ATRX: variants seen among roughly 807,000 people sequenced by gnomAD.
ATRX encodes the protein ATRX chromatin remodeler.
Under a neutral mutation model 172.6 loss-of-function variants are expected in ATRX, and 12 were observed. That is an observed-to-expected ratio of 0.07 (90% confidence interval 0.04 to 0.11). ATRX has a LOEUF of 0.11. ATRX is among the 10% of genes least tolerant of loss of function. ATRX has a pLI of 1.00. For synonymous variants in ATRX, 674 were observed against 594.7 expected (o/e 1.13, Z -1.94); for missense variants, 1,368 against 1,767.4 (o/e 0.77, Z 4.05).
At position 77,616,711 on chromosome X, in the gene ATRX, A is replaced by C; in HGVS notation, c.5468T>G (p.Leu1823Ter). ...GTGTTTTGGAGGCAAGAATTTTGTTAATGCTGTATAATCTTTCCTCTGTAA... is the reference window on the plus strand; with the variant it reads ...GTGTTTTGGAGGCAAGAATTTTGTTCATGCTGTATAATCTTTCCTCTGTAA... ...GCVQRKDYTA[L>*]TKFLPPKHEY... The change falls in exon 22 of 35, where the codon TTA becomes TGA. Residue 1823 changes from leucine (L) to a stop codon, truncating the protein, a stop_gained. Coordinates refer to ENST00000373344, the MANE Select transcript of ATRX (RefSeq NM_000489.6). LOFTEE classifies it high-confidence loss of function. 8.5e-7 allele frequency: 1 copy of C among 1,179,295 alleles called. No homozygotes were observed. The highest frequency in any genetic ancestry group is 1.2e-6 in the Non-Finnish European group (1 of 866,455).
chrX:77,783,963 G>C (rs957032633), intron 1 of ATRX, among the ~76,000 whole-genome samples: 8 of 112,341 alleles, frequency 7.1e-5, no homozygotes, highest in Non-Finnish European at 1.5e-4. Flanking sequence ...CACAAAAAAT[G>C]TAACATTATA....
rs2148450086 is a variant in ATRX, at chrX:77,654,111, G to A, written c.4304C>T (p.Ser1435Phe). 8.3e-7 allele frequency: 1 copy of A among 1,206,987 alleles called. No individual in the cohort carries two copies. Among genetic ancestry groups the A allele is most frequent in the Non-Finnish European group, 1.1e-6 (1 of 891,700 alleles). ...TGTCATTATTACCTTGTTTTCACTG[G>A]ATGAATCTTCTTGAACCTTAATACG... ...RRRIKVQEDS[S>F]SENKSNSEEE... Residue 1435 changes from serine (S) to phenylalanine (F), a missense_variant, in exon 14 of 35, where the codon TCC becomes TTC. Physicochemically the swap from Ser to Phe is radical, Grantham distance 155. Coordinates refer to ENST00000373344, the MANE Select transcript of ATRX (RefSeq NM_000489.6).
chrX:77,586,886 C>T (rs1557077416), intron 27 of ATRX, among the ~76,000 whole-genome samples: 1 of 110,305 alleles, frequency 9.1e-6, no homozygotes, highest in Non-Finnish European at 1.9e-5. Flanking sequence ...AAAACCCCAT[C>T]TCTACAAAAA....
chrX:77,710,186 C>T, intron 2 of ATRX, among the ~76,000 whole-genome samples: 1 of 109,422 alleles, frequency 9.1e-6, no homozygotes, highest in Non-Finnish European at 1.9e-5. Flanking sequence ...GTAATCCCAG[C>T]TACTCCGGAG....
chrX:77,779,172 T>C (rs1211188052), intron 1 of ATRX, among the ~76,000 whole-genome samples: 3 of 98,758 alleles, frequency 3.0e-5, no homozygotes, highest in African/African-American at 3.7e-5. Flanking sequence ...CTCGATCTCC[T>C]GACCTCGTGA....
Position 77,683,473 on chromosome X carries a change from G to A in ATRX, c.1783C>T (p.Leu595Phe), listed in dbSNP as rs2148614917. 1.2e-5 allele frequency: 14 copies of A among 1,210,035 alleles called. No individual in the cohort carries two copies. The highest frequency in any genetic ancestry group is 1.6e-5 in the Non-Finnish European group (14 of 893,928). ...GCACCTTTAATTGGGGAATTAGAAA[G>A]GGAAACAGGAGTGAGTTTAACATAT... Reference protein sequence around the residue: ...ELYVKLTPVSLSNSPIKGADC... With the variant: ...ELYVKLTPVSFSNSPIKGADC... The change falls in exon 9 of 35, where the codon CTT (leucine) becomes TTT (phenylalanine). Residue 595 changes from leucine (L) to phenylalanine (F), a missense_variant. This residue lies in a region of ATRX where 843 missense variants were observed against 643.1 expected (regional missense o/e 1.31). Coordinates refer to ENST00000373344, the MANE Select transcript of ATRX (RefSeq NM_000489.6).
At chrX:77,573,117 T>C (rs898458118) in intron 28 of ATRX, among the ~76,000 whole-genome samples, 1 of 112,287 alleles carries the variant, frequency 8.9e-6, no homozygotes, top group Non-Finnish European at 1.9e-5. Flanking sequence ...TGTATAGTCA[T>C]GTGCCACATA....
intron 5 of ATRX, among the ~76,000 whole-genome samples, chrX:77,694,497 T>C: frequency 9.0e-6 from 1 of 111,426 alleles, no homozygotes; most frequent in South Asian, 3.8e-4. Context: ...TTCACTACTC[T>C]GTAAAGTCCT....
At chrX:77,536,083 A>G (rs1424556554) in intron 30 of ATRX, among the ~76,000 whole-genome samples, 2 of 109,660 alleles carry the variant, frequency 1.8e-5, no homozygotes, top group Non-Finnish European at 3.8e-5. Context: ...TATGTTACCC[A>G]GGCTGGAATG....
intron 21 of ATRX, 43 bp downstream of exon 21, chrX:77,618,763 T>C (rs879958515): frequency 1.8e-6 from 2 of 1,129,931 alleles, no homozygotes; most frequent in Admixed American, 4.4e-5. Flanking sequence ...GATTGTTATA[T>C]AAAAAAGTAA....
Position 77,593,727 on chromosome X carries a change from G to C in ATRX, c.6079C>G (p.Leu2027Val). ...SGKMVLLFEI[L>V]RMAEEIGDKV... is the part of the protein sequence containing the mutation. ...TCCCCAATTTCCTCTGCCATTCGAA[G>C]AATTTCAAAGAGAAGTACCATTTTC... The change falls in exon 26 of 35, where the codon CTT becomes GTT. Residue 2027 changes from leucine (L) to valine (V), a missense_variant. Around this residue, in one of 17 missense-constraint regions of ATRX, gnomAD observed 45 missense variants for 120.2 expected, o/e 0.37. Coordinates refer to ENST00000373344, the MANE Select transcript of ATRX (RefSeq NM_000489.6). 8.3e-7 allele frequency: 1 copy of C among 1,210,768 alleles called. No individual in the cohort carries two copies. The highest frequency in any genetic ancestry group is 1.1e-6 in the Non-Finnish European group (1 of 894,724).
At position 77,532,496 on chromosome X, in the gene ATRX, A is replaced by C. The variant is rs1602405753; in HGVS notation, c.6700-9095T>G. On this transcript the variant is annotated intron_variant, in intron 30 of 34. Coordinates refer to ENST00000373344, the MANE Select transcript of ATRX (RefSeq NM_000489.6). ...AACCCAGAAATAAGACTGCACACCTACAGCCATCTGCTCTTTGACAAACCT... is the reference window on the plus strand; with the variant it reads ...AACCCAGAAATAAGACTGCACACCTCCAGCCATCTGCTCTTTGACAAACCT... Among the ~76,000 whole-genome samples the C allele has an allele frequency of 5.4e-5, 6 of 111,644 alleles. No individual in the cohort carries two copies. The South Asian group carries it at 2.3e-3, about 42-fold the overall frequency.
chrX:77,670,207 G>A (rs782576427), intron 10 of ATRX, among the ~76,000 whole-genome samples: 7 of 111,713 alleles, frequency 6.3e-5, no homozygotes, highest in African/African-American at 2.3e-4. Context: ...GATAAAATTT[G>A]CTTAAAAATT....
Position 77,683,790 on chromosome X carries a change from G to A in ATRX, c.1466C>T (p.Thr489Ile), listed in dbSNP as rs1557141595. The change falls in exon 9 of 35, where the codon ACC becomes ATC. Residue 489 changes from threonine (T) to isoleucine (I), a missense_variant. By Grantham distance (89) the Thr-to-Ile change is moderately conservative (BLOSUM62 -1). Around this residue, in one of 17 missense-constraint regions of ATRX, gnomAD observed 843 missense variants for 643.1 expected, o/e 1.31. Transcript: ENST00000373344. ...ATCAGATTTCTTATGTTCACCACCGGTACTTTTATTTGTTCTTTGTTCCTC... is the reference window on the plus strand; with the variant it reads ...ATCAGATTTCTTATGTTCACCACCGATACTTTTATTTGTTCTTTGTTCCTC... ...PTEEQRTNKSTGGEHKKSDRK... is the reference protein window; with the variant it reads ...PTEEQRTNKSIGGEHKKSDRK... 3 of 1,209,454 alleles carry A rather than the reference G, an allele frequency of 2.5e-6. No homozygotes were observed. The highest frequency in any genetic ancestry group is 1.8e-5 in the South Asian group (1 of 56,949).
At chrX:77,614,597 C>T (rs1046277257) in intron 22 of ATRX, among the ~76,000 whole-genome samples, 2 of 111,438 alleles carry the variant, frequency 1.8e-5, no homozygotes, top group East Asian at 2.8e-4. Context: ...AAAATTGATA[C>T]ATATTATTTT....
At chrX:77,751,000 G>A (rs940708826) in intron 1 of ATRX, among the ~76,000 whole-genome samples, 1 of 111,963 alleles carries the variant, frequency 8.9e-6, no homozygotes, top group African/African-American at 3.2e-5. Flanking sequence ...ACAGGTACAT[G>A]TGTCTTTATA....
chrX:77,537,950 T>C (rs1263796465), intron 30 of ATRX, among the ~76,000 whole-genome samples: 1 of 111,190 alleles, frequency 9.0e-6, no homozygotes, highest in East Asian at 2.8e-4. Context: ...ATGTGGTATG[T>C]GCATGTTCTC....
At chrX:77,554,467 G>T (rs1483334690) in intron 30 of ATRX, among the ~76,000 whole-genome samples, 1 of 111,516 alleles carries the variant, frequency 9.0e-6, no homozygotes, top group Non-Finnish European at 1.9e-5. Context: ...TCCCATTCAA[G>T]AACTTATAGT....
At chrX:77,526,040 T>C (rs1282996422) in intron 30 of ATRX, among the ~76,000 whole-genome samples, 1 of 111,662 alleles carries the variant, frequency 9.0e-6, no homozygotes, top group Non-Finnish European at 1.9e-5. Flanking sequence ...AATTTCTAAG[T>C]CCAACTGTGT....
Sources: allele counts gnomAD v4.1 joint callset (sites outside exome capture counted in the v4.1 genomes callset), GRCh38; gene constraint gnomAD v4.1.1; regional missense constraint gnomAD v4.1.1; transcripts MANE v1.5; gene names NCBI Gene and HGNC (gene_info 2026-07-23, HGNC 2026-07-21).